Variants in TYK2 observed in about 807,000 individuals in gnomAD.
The protein encoded by TYK2 is tyrosine kinase 2, also known as non-receptor tyrosine-protein kinase TYK2.
TYK2 carries 65 observed loss-of-function variants against 130.9 expected under a neutral mutation model. The observed-to-expected ratio is 0.50, with a 90% CI of 0.41 to 0.61. TYK2 has a LOEUF of 0.61. Among genes scored for constraint, TYK2 ranks in the 20% least tolerant of loss-of-function variants. The pLI is 0.00. For missense variants in TYK2, 1,378 were observed against 1,610.7 expected (o/e 0.86, Z 2.47); for synonymous variants, 647 against 658.9 (o/e 0.98, Z 0.28).
chr19:10,366,001 A>G (rs963384928), intron 6 of TYK2, 103 bp from the exon 7 acceptor site: 71 of 1,291,860 alleles, frequency 5.5e-5, no homozygotes, highest in Non-Finnish European at 7.3e-5. Context: ...CAGCTGCCTC[A>G]TCTGGAAAAC....
At chr19:10,369,782 G>C (rs772938760) in intron 3 of TYK2, 2 of 451,568 alleles carry the variant, frequency 4.4e-6, no homozygotes. Context: ...AGTGGCTCAC[G>C]CCTATAATCC....
At chr19:10,368,580 T>C (rs1478961512) in intron 3 of TYK2, 162 bp from the exon 4 acceptor site, 1 of 989,734 alleles carries the variant, frequency 1.0e-6, no homozygotes, top group East Asian at 2.7e-5. Context: ...AGTGCGTATG[T>C]TGCCCATGCT....
chr19:10,367,100 T>G (rs2041697293), intron 5 of TYK2, among the ~76,000 whole-genome samples: 1 of 151,646 alleles, frequency 6.6e-6, no homozygotes, highest in African/African-American at 2.4e-5. Flanking sequence ...AGTTTATGAA[T>G]TTGTGTTGGG....
intron 4 of TYK2, 26 bp downstream of exon 4, chr19:10,368,269 C>A (rs6511696): frequency 6.2e-7 from 1 of 1,614,006 alleles, no homozygotes; most frequent in South Asian, 1.1e-5. Context: ...CAGGAGGGGA[C>A]GAGCTTTGCA....
intron 3 of TYK2, among the ~76,000 whole-genome samples, chr19:10,376,928 G>A (rs1457999984): frequency 6.6e-6 from 1 of 151,804 alleles, no homozygotes; most frequent in Non-Finnish European, 1.5e-5. Flanking sequence ...ATGACACTGG[G>A]TCTCACTCTG....
At position 10,378,143 on chromosome 19, in the gene TYK2, C is replaced by T. The variant is rs12720224; in HGVS notation, c.193+71G>A. 1.5e-3 allele frequency: 2,222 copies of T among 1,523,666 alleles called. 30 individuals carry two copies. In the African/African-American group the frequency reaches 0.028, roughly 19 times the overall value. 94.4% of individuals were successfully genotyped at this position (1,523,666 alleles called of 1,614,324 possible). On this transcript the variant is annotated intron_variant, in intron 3 of 24. Transcript: ENST00000525621. Reference sequence around the variant, plus strand: ...GTGGATGGGTGGGTGGGTGGATAGACGGATGGATGGGGCCCAGCTGCTGCT... The same window carrying T: ...GTGGATGGGTGGGTGGGTGGATAGATGGATGGATGGGGCCCAGCTGCTGCT...
chr19:10,369,057 C>A (rs946925168), intron 3 of TYK2, among the ~76,000 whole-genome samples: 1 of 152,148 alleles, frequency 6.6e-6, no homozygotes, highest in African/African-American at 2.4e-5. Flanking sequence ...GATCTGCCCA[C>A]CTTGGCCCCC....
At position 10,359,227 on chromosome 19, in the gene TYK2, A is replaced by G. The variant is rs1346847897; in HGVS notation, c.2123T>C (p.Met708Thr). ...WLRRERGHVP[M>T]AWKMVVAQQL... ...CTGGGCCACCACCATCTTCCAAGCCATGGGCACATGGCCCCGCTCCCTCCG... is the reference window on the plus strand; with the variant it reads ...CTGGGCCACCACCATCTTCCAAGCCGTGGGCACATGGCCCCGCTCCCTCCG... The change falls in exon 15 of 25, where the codon ATG becomes ACG. Residue 708 changes from methionine (M) to threonine (T), a missense_variant. Coordinates refer to ENST00000525621, the MANE Select transcript of TYK2 (RefSeq NM_003331.5). The G allele has an allele frequency of 3.7e-6, 6 of 1,609,928 alleles. No individual in the cohort carries two copies. The highest frequency in any genetic ancestry group is 5.1e-6 in the Non-Finnish European group (6 of 1,179,942).
At position 10,353,341 on chromosome 19, in the gene TYK2, C is replaced by T; in HGVS notation, c.3027+187G>A. 1.7e-6 allele frequency: 1 copy of T among 574,098 alleles called. No individual in the cohort carries two copies. The highest frequency in any genetic ancestry group is 3.0e-6 in the Non-Finnish European group (1 of 331,368). The allele number at this position is 574,098 out of a possible 1,614,324, so 35.6% of individuals were successfully genotyped here. A position where few individuals can be genotyped will look rare whatever the true frequency, so the allele number is the denominator to read the frequency against. ...GTTGGGAGGGGCCGAGCCGGCTGTG[C>T]GTGGTCCCTTGGGAGGAGGGGGTGT... On this transcript the variant is annotated intron_variant, in intron 21 of 24. Coordinates refer to ENST00000525621, the MANE Select transcript of TYK2 (RefSeq NM_003331.5). This position sits in a 1 kb window ranked among gnomAD's most constrained non-coding sequence, Gnocchi z 6.9.
Position 10,353,690 on chromosome 19 carries a change from G to T in TYK2, c.2909-44C>A. ...GCCCCGGTGGGGGACGATAGAGGGC[G>T]GGCCGGGGACCGCCTACCTTGAGCC... On this transcript the variant is annotated intron_variant, in intron 20 of 24. Coordinates refer to ENST00000525621, the MANE Select transcript of TYK2 (RefSeq NM_003331.5). The surrounding 1 kb of genome is among the most constrained non-coding windows in gnomAD (Gnocchi z 6.9). 1 of 1,414,758 alleles carries T rather than the reference G, an allele frequency of 7.1e-7. No homozygotes were observed. The highest frequency in any genetic ancestry group is 1.5e-5 in the South Asian group (1 of 65,040). The allele number at this position is 1,414,758 out of a possible 1,614,324, so 87.6% of individuals were successfully genotyped here.
chr19:10,378,798 T>C (rs1301199968), intron 2 of TYK2, among the ~76,000 whole-genome samples: 1 of 151,908 alleles, frequency 6.6e-6, no homozygotes, highest in African/African-American at 2.4e-5. Flanking sequence ...CTAGGCCATA[T>C]AGCAAGACCC....
chr19:10,366,014 G>T, intron 6 of TYK2, 116 bp from the exon 7 acceptor site: 1 of 1,145,474 alleles, frequency 8.7e-7, no homozygotes, highest in Non-Finnish European at 1.2e-6. Context: ...TGGAAAACAG[G>T]CACACTAGCC....
intron 3 of TYK2, chr19:10,368,627 T>C (rs2041777109): frequency 1.6e-6 from 1 of 619,462 alleles, no homozygotes; most frequent in African/African-American, 1.8e-5. Context: ...CCAGCCTCCC[T>C]TGCAGCTAGG....
At chr19:10,375,717 C>T (rs991213088) in intron 3 of TYK2, among the ~76,000 whole-genome samples, 26 of 148,120 alleles carry the variant, frequency 1.8e-4, no homozygotes, top group African/African-American at 6.3e-4. Context: ...GAGATCAAGA[C>T]CATCCTGGCT....
intron 3 of TYK2, among the ~76,000 whole-genome samples, chr19:10,369,437 C>A (rs1371226291): frequency 1.3e-5 from 2 of 152,024 alleles, no homozygotes; most frequent in Non-Finnish European, 2.9e-5. Context: ...TAGCTCACTG[C>A]AGCCTCAACC....
chr19:10,374,797 C>G (rs528561546), intron 3 of TYK2, among the ~76,000 whole-genome samples: 1 of 151,518 alleles, frequency 6.6e-6, no homozygotes, highest in Non-Finnish European at 1.5e-5. Context: ...GCAGGAGGAT[C>G]GCTAGAACCC....
At chr19:10,362,736 C>A in intron 9 of TYK2, 79 bp from the exon 10 acceptor site, 1 of 1,252,506 alleles carries the variant, frequency 8.0e-7, no homozygotes, top group South Asian at 1.3e-5. Context: ...ACACTCATTA[C>A]CTACTTAGAG....
At chr19:10,368,454 C>A (rs1474129083) in intron 3 of TYK2, 36 bp from the exon 4 acceptor site, 2 of 1,613,574 alleles carry the variant, frequency 1.2e-6, no homozygotes, top group South Asian at 2.2e-5. Context: ...GGAGTCACGT[C>A]ATTTGCTACC....
chr19:10,371,294 T>C (rs948882335), intron 3 of TYK2, among the ~76,000 whole-genome samples: 1 of 151,766 alleles, frequency 6.6e-6, no homozygotes, highest in Admixed American at 6.6e-5. Context: ...CAGTGTGCTC[T>C]GCCCTGAAGT....
Sources: allele counts gnomAD v4.1 joint callset (sites outside exome capture counted in the v4.1 genomes callset), GRCh38; gene constraint gnomAD v4.1.1; non-coding constraint Gnocchi (gnomAD v3.1); transcripts MANE v1.5; gene names NCBI Gene and HGNC (gene_info 2026-07-23, HGNC 2026-07-21).